SORCS1: variants seen among roughly 807,000 people sequenced by gnomAD.
SORCS1 encodes VPS10 domain-containing receptor SorCS1.
SORCS1 carries 60 observed loss-of-function variants against 146.1 expected under a neutral mutation model. The observed-to-expected ratio is 0.41, with a 90% CI of 0.33 to 0.51. The LOEUF is 0.51. Ranked by LOEUF, SORCS1 falls within the 20% of genes least tolerant of loss-of-function variation. SORCS1 has a pLI of 0.21. For synonymous variants in SORCS1, 637 were observed against 584.0 expected, an observed-to-expected ratio of 1.09 and a Z score of -1.31; for missense variants, 1,352 against 1,487.6, an observed-to-expected ratio of 0.91 and a Z score of 1.50.
intron 1 of SORCS1, among the ~76,000 whole-genome samples, chr10:107,001,067 GC>G (rs1190773926): frequency 1.3e-5 from 2 of 152,148 alleles, no homozygotes; most frequent in African/African-American, 4.8e-5. Context: ...GGAGTGACTA[GC>G]CCAAGTCTTG....
chr10:106,714,976 C>A (rs12264786), intron 6 of SORCS1, among the ~76,000 whole-genome samples: 5,512 of 152,226 alleles, frequency 0.036, 295 homozygotes, highest in African/African-American at 0.12. Flanking sequence ...CTCTGAGTGG[C>A]TCAAAGTGAA....
intron 6 of SORCS1, among the ~76,000 whole-genome samples, chr10:106,713,174 AC>A (rs139506044): frequency 0.055 from 8,449 of 152,242 alleles, 419 homozygotes; most frequent in African/African-American, 0.14. Flanking sequence ...GAGTATGACA[AC>A]TAGATGGAAA....
chr10:107,040,869 A>G (rs1054570403), intron 1 of SORCS1, among the ~76,000 whole-genome samples: 2 of 152,220 alleles, frequency 1.3e-5, no homozygotes, highest in Admixed American at 1.3e-4. Context: ...ATACCTTTTA[A>G]CCCAGCAGAT....
intron 3 of SORCS1, among the ~76,000 whole-genome samples, chr10:106,801,630 C>T (rs144860332): frequency 2.5e-4 from 38 of 150,732 alleles, no homozygotes; most frequent in Non-Finnish European, 3.5e-4. Context: ...CCCAGGTTCA[C>T]GCCATTCTCC....
At chr10:106,672,052 T>A (rs1851648891) in intron 15 of SORCS1, among the ~76,000 whole-genome samples, 5 of 152,230 alleles carry the variant, frequency 3.3e-5, no homozygotes, top group Admixed American at 2.0e-4. Context: ...CCTCCTTTTG[T>A]GTTTCTGAAA....
intron 2 of SORCS1, among the ~76,000 whole-genome samples, chr10:106,914,379 T>C (rs769012476): frequency 6.6e-6 from 1 of 152,150 alleles, no homozygotes; most frequent in African/African-American, 2.4e-5. Flanking sequence ...GATTTATAAG[T>C]ATGTGCGAGC....
chr10:106,612,646 G>C (rs1167526856), intron 21 of SORCS1, among the ~76,000 whole-genome samples: 1 of 151,984 alleles, frequency 6.6e-6, no homozygotes, highest in African/African-American at 2.4e-5. Context: ...ACAGGGCAGG[G>C]AATTGCCATG....
intron 1 of SORCS1, among the ~76,000 whole-genome samples, chr10:107,006,087 TCTC>T (rs1427062137): frequency 1.3e-5 from 2 of 152,166 alleles, no homozygotes; most frequent in East Asian, 1.9e-4. Context: ...TCTTTATGCC[TCTC>T]CTATTAGATT....
At chr10:106,628,983 AGAATTT>A (rs1274719586) in intron 19 of SORCS1, among the ~76,000 whole-genome samples, 1 of 152,202 alleles carries the variant, frequency 6.6e-6, no homozygotes, top group Non-Finnish European at 1.5e-5. Context: ...AAATGCAATG[AGAATTT>A]GAAGCAATCC....
At chr10:106,926,306 TCG>T (rs1953013241) in intron 2 of SORCS1, among the ~76,000 whole-genome samples, 1 of 152,206 alleles carries the variant, frequency 6.6e-6, no homozygotes, top group Non-Finnish European at 1.5e-5. Flanking sequence ...TTTTAAATAA[TCG>T]TGTGCCTTGA....
At chr10:106,871,699 C>G (rs1229608400) in intron 2 of SORCS1, among the ~76,000 whole-genome samples, 1 of 152,144 alleles carries the variant, frequency 6.6e-6, no homozygotes, top group African/African-American at 2.4e-5. Context: ...GATGAGCACT[C>G]ATGAACACCA....
intron 1 of SORCS1, among the ~76,000 whole-genome samples, chr10:107,039,210 C>T (rs1463177618): frequency 6.6e-6 from 1 of 151,596 alleles, no homozygotes; most frequent in East Asian, 1.9e-4. Flanking sequence ...CGCCTGTAAT[C>T]CCAGCTACTT....
At chr10:106,888,445 C>T (rs1179232124) in intron 2 of SORCS1, among the ~76,000 whole-genome samples, 6 of 151,330 alleles carry the variant, frequency 4.0e-5, no homozygotes, top group South Asian at 4.2e-4. Flanking sequence ...AGAACCAAGA[C>T]GGCCCTATTT....
intron 1 of SORCS1, among the ~76,000 whole-genome samples, chr10:107,131,950 C>T (rs983911117): frequency 6.6e-6 from 1 of 152,162 alleles, no homozygotes; most frequent in African/African-American, 2.4e-5. Context: ...AACAATGAAC[C>T]ACTGCTGTTG....
intron 2 of SORCS1, among the ~76,000 whole-genome samples, chr10:106,844,526 G>A (rs555193184): frequency 3.3e-5 from 5 of 150,744 alleles, no homozygotes; most frequent in Non-Finnish European, 7.4e-5. Context: ...TCTTTTGCAG[G>A]TGAATGTCCA....
intron 9 of SORCS1, among the ~76,000 whole-genome samples, chr10:106,698,380 G>C (rs1853869128): frequency 6.6e-6 from 1 of 152,108 alleles, no homozygotes; most frequent in African/African-American, 2.4e-5. Flanking sequence ...TTTTCAGCTA[G>C]AATATAGGTA....
At position 106,618,238 on chromosome 10, in the gene SORCS1, C is replaced by G. The variant is rs1210820545; in HGVS notation, c.2831G>C (p.Arg944Thr). The change falls in exon 21 of 26, where the codon AGA becomes ACA. Residue 944 changes from arginine (R) to threonine (T), a missense_variant. Arg to Thr is a moderately conservative substitution (Grantham distance 71). Coordinates refer to ENST00000263054, the MANE Select transcript of SORCS1 (RefSeq NM_052918.5). ...GGTATTCATTCCTTCTGAAGTAAATCTGAAGGATATGCTTCCCTCCAAGGT... is the reference window on the plus strand; with the variant it reads ...GGTATTCATTCCTTCTGAAGTAAATGTGAAGGATATGCTTCCCTCCAAGGT... ...LITLEGSISF[R>T]FTSEGMNTIT... 17 of 1,614,094 alleles carry G rather than the reference C, an allele frequency of 1.1e-5. No homozygotes were observed. Among genetic ancestry groups the G allele is most frequent in the Non-Finnish European group, 1.2e-5 (14 of 1,179,978 alleles).
intron 5 of SORCS1, among the ~76,000 whole-genome samples, chr10:106,758,349 T>G (rs1400923067): frequency 6.6e-6 from 1 of 152,224 alleles, no homozygotes; most frequent in Non-Finnish European, 1.5e-5. Context: ...AGTTCCTTTC[T>G]CTTGCCCATC....
chr10:106,844,093 G>C (rs1320733117), intron 2 of SORCS1, among the ~76,000 whole-genome samples: 1 of 152,150 alleles, frequency 6.6e-6, no homozygotes, highest in Non-Finnish European at 1.5e-5. Flanking sequence ...ATAGTTGTAA[G>C]GTGATATTTC....
Sources: gnomAD v4.1 joint callset for allele counts (sites outside exome capture counted in the v4.1 genomes callset) on GRCh38, gnomAD v4.1.1 for gene constraint, MANE v1.5 for transcripts, NCBI Gene and HGNC (gene_info 2026-07-23, HGNC 2026-07-21) for gene names.